Variants in AMPH observed in about 807,000 individuals in gnomAD.
The protein encoded by AMPH is amphiphysin.
AMPH carries 49 observed loss-of-function variants against 99.1 expected under a neutral mutation model. The observed-to-expected ratio is 0.49, with a 90% CI of 0.39 to 0.63. The LOEUF is 0.63. Among genes scored for constraint, AMPH ranks in the 20% least tolerant of loss-of-function variants. AMPH has a pLI of 0.00. For missense variants in AMPH, 759 were observed against 863.4 expected, an observed-to-expected ratio of 0.88 and a Z score of 1.52; for synonymous variants, 314 against 317.3, an observed-to-expected ratio of 0.99 and a Z score of 0.11.
chr7:38,496,612 G>T (rs959802853), intron 3 of AMPH, among the ~76,000 whole-genome samples: 2 of 152,118 alleles, frequency 1.3e-5, no homozygotes, highest in South Asian at 4.1e-4. Context: ...TCCAAGCAAG[G>T]GGGGATGCGT....
At chr7:38,533,297 T>C (rs1790481810) in intron 2 of AMPH, among the ~76,000 whole-genome samples, 1 of 152,232 alleles carries the variant, frequency 6.6e-6, no homozygotes, top group African/African-American at 2.4e-5. Flanking sequence ...CTGTAATATT[T>C]GTTCATTTGG....
intron 1 of AMPH, among the ~76,000 whole-genome samples, chr7:38,554,811 G>A (rs1791307250): frequency 6.6e-6 from 1 of 152,188 alleles, no homozygotes; most frequent in Non-Finnish European, 1.5e-5. Flanking sequence ...CAGCTGCACT[G>A]GTGGGACCAA....
chr7:38,554,460 C>T (rs2129046916), intron 1 of AMPH, among the ~76,000 whole-genome samples: 1 of 152,008 alleles, frequency 6.6e-6, no homozygotes, highest in African/African-American at 2.4e-5. Context: ...ACTTATTGAC[C>T]CAGCAATCCT....
At chr7:38,532,760 A>AAATTCACT (rs1790456721) in intron 2 of AMPH, among the ~76,000 whole-genome samples, 1 of 152,152 alleles carries the variant, frequency 6.6e-6, no homozygotes, top group Non-Finnish European at 1.5e-5. Context: ...AAAACAATGA[A>AAATTCACT]AATTCACTGT....
intron 9 of AMPH, chr7:38,464,070 T>A: frequency 3.9e-6 from 5 of 1,289,726 alleles, no homozygotes; most frequent in Non-Finnish European, 5.1e-6. Context: ...TTAATAGAGA[T>A]GCCACTGAGC....
chr7:38,429,516 C>A (rs763729236), intron 14 of AMPH: 80 of 1,374,882 alleles, frequency 5.8e-5, no homozygotes, highest in Non-Finnish European at 7.3e-5. Flanking sequence ...TTCGGCCAAC[C>A]CACTGTCTGG....
At chr7:38,405,015 G>A (rs1784943274) in intron 17 of AMPH, among the ~76,000 whole-genome samples, 1 of 152,070 alleles carries the variant, frequency 6.6e-6, no homozygotes, top group Non-Finnish European at 1.5e-5. Flanking sequence ...CAACTTCTCA[G>A]CAGAAACCTT....
intron 1 of AMPH, among the ~76,000 whole-genome samples, chr7:38,541,017 T>TAAAAAAAAAAAAAAAAAAAAA (rs60200785): frequency 1.0e-5 from 1 of 97,694 alleles, no homozygotes; most frequent in Non-Finnish European, 2.0e-5. Flanking sequence ...TTTCTGTTCT[T>TAAAAAAAAAAAAAAAAAAAAA]AAAAAAAAAA....
In AMPH at chr7:38,587,124, C is replaced by A. The variant is rs371616622; in HGVS notation, c.69+44159G>T. On this transcript the variant is annotated intron_variant, in intron 1 of 20. Transcript: ENST00000356264. Reference sequence around the variant, plus strand: ...TGCAATATCTGGTTAAAATCTGAGACTGTGGGGCTCTCACCAATTTTATAA... The same window carrying A: ...TGCAATATCTGGTTAAAATCTGAGAATGTGGGGCTCTCACCAATTTTATAA... 1.3e-3 allele frequency among the ~76,000 whole-genome samples: 197 copies of A among 152,252 alleles called. 8 individuals carry two copies. The South Asian group carries it at 0.039, about 30-fold the overall frequency.
intron 17 of AMPH, among the ~76,000 whole-genome samples, chr7:38,404,429 C>A (rs947396736): frequency 9.9e-5 from 15 of 152,220 alleles, no homozygotes; most frequent in Non-Finnish European, 1.8e-4. Context: ...ACACTCCCAG[C>A]CCCACAGAAG....
chr7:38,482,863 G>C (rs1349397071), intron 5 of AMPH, among the ~76,000 whole-genome samples: 1 of 152,078 alleles, frequency 6.6e-6, no homozygotes, highest in Non-Finnish European at 1.5e-5. Context: ...GGTGATGGTA[G>C]CAAGATGGAA....
chr7:38,583,010 A>C (rs770786297), intron 1 of AMPH, among the ~76,000 whole-genome samples: 4 of 152,212 alleles, frequency 2.6e-5, no homozygotes, highest in Admixed American at 6.5e-5. Context: ...AGAGTCAACA[A>C]TGTATTGACA....
At chr7:38,444,871 T>G (rs60820588) in intron 11 of AMPH, among the ~76,000 whole-genome samples, 8,373 of 151,566 alleles carry the variant, frequency 0.055, 596 homozygotes, top group East Asian at 0.34. Context: ...CTAACCCTAC[T>G]GACCCTGATT....
At chr7:38,551,342 T>A (rs1288527454) in intron 1 of AMPH, among the ~76,000 whole-genome samples, 1 of 152,226 alleles carries the variant, frequency 6.6e-6, no homozygotes, top group Non-Finnish European at 1.5e-5. Context: ...AGCAAGTGGC[T>A]GTGAACAAGG....
At chr7:38,527,253 G>A (rs541413303) in intron 2 of AMPH, among the ~76,000 whole-genome samples, 7 of 152,242 alleles carry the variant, frequency 4.6e-5, no homozygotes, top group Admixed American at 1.3e-4. Flanking sequence ...GCATTTCCAT[G>A]TAAATTTTAG....
chr7:38,561,107 G>C (rs1482122656), intron 1 of AMPH, among the ~76,000 whole-genome samples: 1 of 152,166 alleles, frequency 6.6e-6, no homozygotes, highest in Non-Finnish European at 1.5e-5. Flanking sequence ...CAGTAACCAA[G>C]ACCCACAGCA....
chr7:38,611,029 T>G (rs1210387695), intron 1 of AMPH, among the ~76,000 whole-genome samples: 1 of 152,222 alleles, frequency 6.6e-6, no homozygotes, highest in Non-Finnish European at 1.5e-5. Flanking sequence ...ATATTCACTG[T>G]GGCATTATTC....
intron 1 of AMPH, among the ~76,000 whole-genome samples, chr7:38,574,899 C>A (rs935201261): frequency 6.6e-6 from 1 of 151,640 alleles, no homozygotes; most frequent in Non-Finnish European, 1.5e-5. Flanking sequence ...ACTAAAAATA[C>A]AAAAATTAGC....
intron 9 of AMPH, among the ~76,000 whole-genome samples, chr7:38,464,682 A>T (rs978077923): frequency 1.3e-5 from 2 of 152,246 alleles, no homozygotes; most frequent in Non-Finnish European, 2.9e-5. Context: ...GAATTAAAAA[A>T]AATGAGACCT....
Sources: allele counts gnomAD v4.1 joint callset (sites outside exome capture counted in the v4.1 genomes callset), GRCh38; gene constraint gnomAD v4.1.1; transcripts MANE v1.5; gene names NCBI Gene and HGNC (gene_info 2026-07-23, HGNC 2026-07-21).